XIRP2: variants seen among roughly 807,000 people sequenced by gnomAD.
XIRP2 encodes xin actin binding repeat containing 2.
A neutral mutation model predicts 277.0 loss-of-function variants in XIRP2; 236 were observed. The ratio of observed to expected loss-of-function variants is 0.85; its 90% confidence interval spans 0.77 to 0.95. The LOEUF is 0.95. XIRP2 is among the 40% of genes least tolerant of loss of function. The pLI is 0.00. For missense variants in XIRP2, 4,640 were observed against 4,157.5 expected, an observed-to-expected ratio of 1.12 and a Z score of -3.19; for synonymous variants, 1,490 against 1,416.5, an observed-to-expected ratio of 1.05 and a Z score of -1.17.
intron 2 of XIRP2, among the ~76,000 whole-genome samples, chr2:167,028,454 A>T (rs1329291354): frequency 1.3e-5 from 2 of 152,112 alleles, no homozygotes; most frequent in African/African-American, 4.8e-5. Context: ...ACCCAAGGCC[A>T]CCAAGGCAAT....
chr2:167,005,178 A>G (rs1687475474), intron 2 of XIRP2, among the ~76,000 whole-genome samples: 2 of 151,942 alleles, frequency 1.3e-5, no homozygotes, highest in Non-Finnish European at 2.9e-5. Flanking sequence ...TTTTTCTGAG[A>G]GTCCCACTGC....
chr2:167,218,746 C>A (rs1463857425), intron 5 of XIRP2, among the ~76,000 whole-genome samples: 3 of 152,104 alleles, frequency 2.0e-5, no homozygotes. Context: ...TTAAAATCCT[C>A]AAACATTGAA....
chr2:167,249,206 G>T lies in XIRP2; in HGVS notation c.7814G>T (p.Cys2605Phe), dbSNP rs776595039. 1 of 1,613,660 alleles carries T rather than the reference G, an allele frequency of 6.2e-7. No homozygotes were observed. Among genetic ancestry groups the T allele is most frequent in the Admixed American group, 1.7e-5 (1 of 59,970 alleles). Reference protein sequence around the residue: ...EVSLSGIDSECTVVQPSPGSQ... With the variant: ...EVSLSGIDSEFTVVQPSPGSQ... ...TCCCTATCTGGAATTGATTCAGAAT[G>T]CACTGTGGTTCAACCCAGCCCAGGC... The change falls in exon 9 of 11, where the codon TGC (cysteine) becomes TTC (phenylalanine). Residue 2605 changes from cysteine (C) to phenylalanine (F), a missense_variant. By Grantham distance (205) the Cys-to-Phe change is radical. Transcript: ENST00000409195.
chr2:167,188,357 G>A (rs1247501495), intron 3 of XIRP2, among the ~76,000 whole-genome samples: 2 of 152,156 alleles, frequency 1.3e-5, no homozygotes, highest in Non-Finnish European at 2.9e-5. Context: ...TAAAAGCAAG[G>A]ACACTTTAAG....
At chr2:167,075,258 A>G in intron 2 of XIRP2, among the ~76,000 whole-genome samples, 1 of 152,138 alleles carries the variant, frequency 6.6e-6, no homozygotes, top group East Asian at 1.9e-4. Context: ...ACACGGAGAG[A>G]TAGAGGGAGG....
In XIRP2 at chr2:167,241,799, A is replaced by G; in HGVS notation, c.1065A>G (p.Glu355=). The change falls in exon 8 of 11, where the codon GAA becomes GAG. Residue 355 remains glutamate, a synonymous_variant. Coordinates refer to ENST00000409195, the MANE Select transcript of XIRP2 (RefSeq NM_152381.6). Reference sequence around the variant, plus strand: ...TAGTCATTGATACACCTGAGGATGAAGAGATTCCAAAGGTTTCGACTAAGT... The same window carrying G: ...TAGTCATTGATACACCTGAGGATGAGGAGATTCCAAAGGTTTCGACTAAGT... ...QETVIDTPED[E]EIPKVSTKLL... is the part of the protein sequence containing the mutation. The G allele has an allele frequency of 6.2e-7, 1 of 1,612,428 alleles. No individual in the cohort carries two copies. Among genetic ancestry groups the G allele is most frequent in the Non-Finnish European group, 8.5e-7 (1 of 1,179,134 alleles).
chr2:166,959,045 A>C (rs1686238689), intron 2 of XIRP2, among the ~76,000 whole-genome samples: 1 of 151,768 alleles, frequency 6.6e-6, no homozygotes, highest in Non-Finnish European at 1.5e-5. Context: ...TCAACGGCTT[A>C]AAGTAGGAAC....
intron 2 of XIRP2, among the ~76,000 whole-genome samples, chr2:167,123,289 G>A (rs898585909): frequency 1.3e-5 from 2 of 152,108 alleles, no homozygotes; most frequent in African/African-American, 4.8e-5. Context: ...GGGTGGTGCA[G>A]AGTCAGTGAC....
At chr2:167,152,544 G>A (rs963335361) in intron 3 of XIRP2, among the ~76,000 whole-genome samples, 3 of 151,870 alleles carry the variant, frequency 2.0e-5, no homozygotes, top group Non-Finnish European at 4.4e-5. Flanking sequence ...TTGTTGCAGG[G>A]GTCCCAGGAG....
At chr2:167,083,919 G>C (rs980489085) in intron 2 of XIRP2, among the ~76,000 whole-genome samples, 21 of 151,460 alleles carry the variant, frequency 1.4e-4, no homozygotes, top group African/African-American at 3.6e-4. Context: ...TTTCCTAATT[G>C]AATACCCTTT....
At chr2:167,164,163 G>A (rs1464248860) in intron 3 of XIRP2, among the ~76,000 whole-genome samples, 46 of 152,070 alleles carry the variant, frequency 3.0e-4, no homozygotes, top group Admixed American at 2.8e-3. Context: ...TGAATTGGCC[G>A]GGCGCAGCGG....
intron 3 of XIRP2, among the ~76,000 whole-genome samples, chr2:167,142,806 G>A (rs181336419): frequency 6.6e-6 from 1 of 152,200 alleles, no homozygotes; most frequent in African/African-American, 2.4e-5. Context: ...GACAGGTATT[G>A]GTGATACAAT....
chr2:167,066,163 T>C (rs1349553900), intron 2 of XIRP2, among the ~76,000 whole-genome samples: 1 of 152,002 alleles, frequency 6.6e-6, no homozygotes, highest in Non-Finnish European at 1.5e-5. Flanking sequence ...CACTATGTTG[T>C]ACAGCTGATC....
rs79254597 is a variant in XIRP2 at position 167,220,167 on chromosome 2, T to G, written c.858+1867T>G. Among the ~76,000 whole-genome samples the G allele has an allele frequency of 2.0e-4, 31 of 152,244 alleles. No individual in the cohort carries two copies. In the East Asian group the frequency reaches 4.4e-3, roughly 22 times the overall value. On this transcript the variant is annotated intron_variant, in intron 5 of 10. Coordinates refer to ENST00000409195, the MANE Select transcript of XIRP2 (RefSeq NM_152381.6). ...CAAATGCAACAAATCCTTCCTTCCT[T>G]CCTTTCTTTTTTTTTCCTTCTTTCA...
chr2:167,062,630 A>T (rs770031387), intron 2 of XIRP2, among the ~76,000 whole-genome samples: 3 of 152,136 alleles, frequency 2.0e-5, no homozygotes, highest in Non-Finnish European at 4.4e-5. Flanking sequence ...TCACCAAGGA[A>T]GATATCTGGG....
chr2:167,231,830 T>G (rs994838698), intron 5 of XIRP2, among the ~76,000 whole-genome samples: 1 of 151,926 alleles, frequency 6.6e-6, no homozygotes, highest in African/African-American at 2.4e-5. Flanking sequence ...TTTCAAGAAA[T>G]TTATAAGTAT....
At chr2:166,892,323 C>G (rs142096831) in intron 1 of XIRP2, among the ~76,000 whole-genome samples, 2,083 of 152,210 alleles carry the variant, frequency 0.014, 47 homozygotes, top group African/African-American at 0.045. Flanking sequence ...ATGCTGTGAT[C>G]TCCAAAGCAC....
At chr2:167,044,657 C>T (rs1490414842) in intron 2 of XIRP2, among the ~76,000 whole-genome samples, 4 of 151,958 alleles carry the variant, frequency 2.6e-5, no homozygotes, top group Admixed American at 2.6e-4. Context: ...ATCAAGAATG[C>T]AATTCTATTT....
At chr2:167,152,219 T>C (rs138254595) in intron 3 of XIRP2, among the ~76,000 whole-genome samples, 96 of 152,184 alleles carry the variant, frequency 6.3e-4, no homozygotes, top group African/African-American at 2.2e-3. Context: ...TGTTCTGAAG[T>C]AGGTCATGAA....
Sources: allele counts gnomAD v4.1 joint callset (sites outside exome capture counted in the v4.1 genomes callset), GRCh38; gene constraint gnomAD v4.1.1; transcripts MANE v1.5; gene names NCBI Gene and HGNC (gene_info 2026-07-23, HGNC 2026-07-21).